The following STAT4 variants were observed in gnomAD, a reference collection of about 807,000 sequenced individuals.
STAT4 encodes the protein signal transducer and activator of transcription 4.
In STAT4, 42 loss-of-function variants were observed where a neutral mutation model predicts 110.5. The ratio of observed to expected loss-of-function variants is 0.38; its 90% CI spans 0.30 to 0.49. The LOEUF (loss-of-function observed/expected upper bound fraction) is 0.49. Ranked by LOEUF, STAT4 falls within the 20% of genes least tolerant of loss-of-function variation. The pLI, the probability that STAT4 is intolerant of heterozygous loss-of-function variation, is 0.95. For synonymous variants in STAT4, 284 were observed against 302.2 expected (o/e 0.94, Z 0.63); for missense variants, 632 against 887.9 (o/e 0.71, Z 3.66).
At chr2:191,084,387 C>G (rs1195757794) in intron 3 of STAT4, among the ~76,000 whole-genome samples, 1 of 152,010 alleles carries the variant, frequency 6.6e-6, no homozygotes, top group Non-Finnish European at 1.5e-5. Context: ...GATCTGGGCT[C>G]TGCACCTGGT....
intron 3 of STAT4, among the ~76,000 whole-genome samples, chr2:191,134,864 A>T (rs1699134143): frequency 6.6e-6 from 1 of 152,218 alleles, no homozygotes; most frequent in Non-Finnish European, 1.5e-5. Flanking sequence ...GAAATAAAAA[A>T]ATTCCTTGAA....
Position 191,062,893 on chromosome 2 carries a change from G to A in STAT4, c.810C>T (p.Phe270=), listed in dbSNP as rs1285476035. ...NCFTLLAESL[F]QLRRQLEKLE... is the part of the protein sequence containing the mutation. ...GTTTCTCCAATTGCCTTCTCAGTTGGAAAAGACTTTCTGCCAATAGTGTAA... is the reference window on the plus strand; with the variant it reads ...GTTTCTCCAATTGCCTTCTCAGTTGAAAAAGACTTTCTGCCAATAGTGTAA... Residue 270 remains phenylalanine (F), a synonymous_variant, in exon 9 of 24, where the codon TTC becomes TTT. Coordinates refer to ENST00000392320, the MANE Select transcript of STAT4 (RefSeq NM_003151.4). The surrounding 1 kb of genome is among the most constrained non-coding windows in gnomAD (Gnocchi z 4.9). 1 of 1,613,646 alleles carries A rather than the reference G, an allele frequency of 6.2e-7. No homozygotes were observed. Among genetic ancestry groups the A allele is most frequent in the Admixed American group, 1.7e-5 (1 of 59,982 alleles).
At chr2:191,048,079 A>C (rs1046784926) in intron 14 of STAT4, among the ~76,000 whole-genome samples, 7 of 152,260 alleles carry the variant, frequency 4.6e-5, no homozygotes, top group African/African-American at 1.2e-4. Flanking sequence ...GGGTCTTAAA[A>C]GTGTGAGAAA....
chr2:191,078,311 G>A (rs1242270967), intron 3 of STAT4, among the ~76,000 whole-genome samples: 1 of 152,052 alleles, frequency 6.6e-6, no homozygotes, highest in Non-Finnish European at 1.5e-5. Flanking sequence ...TCTCAGTTGT[G>A]TTGTACACTT....
intron 5 of STAT4, among the ~76,000 whole-genome samples, chr2:191,072,698 G>GA (rs1697201156): frequency 6.6e-6 from 1 of 151,798 alleles, no homozygotes; most frequent in Admixed American, 6.6e-5. Flanking sequence ...ACTGATTATG[G>GA]AAAAAAGAGA....
At chr2:191,094,263 G>T (rs1697894649) in intron 3 of STAT4, among the ~76,000 whole-genome samples, 1 of 152,118 alleles carries the variant, frequency 6.6e-6, no homozygotes, top group Admixed American at 6.5e-5. Flanking sequence ...TCCTTGAGAA[G>T]ACCAAATCCA....
chr2:191,143,878 A>G lies in STAT4; in HGVS notation c.273+2735T>C, dbSNP rs1415061830. On this transcript the variant is annotated intron_variant, in intron 3 of 23. Coordinates refer to ENST00000392320, the MANE Select transcript of STAT4 (RefSeq NM_003151.4). The surrounding 1 kb of genome is among the most constrained non-coding windows in gnomAD (Gnocchi z 5.6). ...CCACCCTTCCCCGCAAAAAACACAC[A>G]CAACTTAATGGGATTATAGTAGGTT... Among the ~76,000 whole-genome samples the G allele has an allele frequency of 6.6e-6, 1 of 152,150 alleles. No individual in the cohort carries two copies. The highest frequency in any genetic ancestry group is 3.2e-3 in the Middle Eastern group (1 of 316).
chr2:191,123,186 G>C (rs906135240), intron 3 of STAT4, among the ~76,000 whole-genome samples: 2 of 152,170 alleles, frequency 1.3e-5, no homozygotes, highest in Non-Finnish European at 2.9e-5. Context: ...CTTTGTCATT[G>C]TACTGTGTTT....
chr2:191,074,209 G>T (rs960188487), intron 4 of STAT4, among the ~76,000 whole-genome samples: 1 of 152,160 alleles, frequency 6.6e-6, no homozygotes, highest in African/African-American at 2.4e-5. Context: ...TAGATAAAAA[G>T]TTCTATAACT....
At position 191,069,453 on chromosome 2, in the gene STAT4, T is replaced by A. The variant is rs181842007; in HGVS notation, c.544+240A>T. ...CATGCAGTTTGAAATTTATGTTGAA[T>A]TTGTTGGTAATTTACTTGGAATTGG... is the stretch of plus-strand genomic sequence containing the variant. On this transcript the variant is annotated intron_variant, in intron 6 of 23. Coordinates refer to ENST00000392320, the MANE Select transcript of STAT4 (RefSeq NM_003151.4). Among the ~76,000 whole-genome samples the A allele has an allele frequency of 6.8e-4, 104 of 152,202 alleles. 3 individuals carry two copies. The East Asian group carries it at 0.017, about 25-fold the overall frequency.
rs1271837484 is a variant in STAT4 at position 191,144,603 on chromosome 2, G to A, written c.273+2010C>T. On this transcript the variant is annotated intron_variant, in intron 3 of 23. Coordinates refer to ENST00000392320, the MANE Select transcript of STAT4 (RefSeq NM_003151.4). The surrounding 1 kb of genome is among the most constrained non-coding windows in gnomAD (Gnocchi z 4.7). ...TGAAGCGTGACTGGGGGTAACTGCA[G>A]GTTTTTGAGCAGTGGCGTAGTGAAA... 6.6e-6 allele frequency among the ~76,000 whole-genome samples: 1 copy of A among 150,676 alleles called. No individual in the cohort carries two copies. Among genetic ancestry groups the A allele is most frequent in the Non-Finnish European group, 1.5e-5 (1 of 67,870 alleles).
Position 191,030,516 on chromosome 2 carries a change from C to T in STAT4, c.2220+456G>A, listed in dbSNP as rs1695859945. On this transcript the variant is annotated intron_variant, in intron 23 of 23. Coordinates refer to ENST00000392320, the MANE Select transcript of STAT4 (RefSeq NM_003151.4). This position sits in a 1 kb window ranked among gnomAD's most constrained non-coding sequence, Gnocchi z 4.4. ...GGGTTCTAGAAATGCAAGTCACAAT[C>T]AAGAAAAATTGCAATTTGTGATGTT... is the stretch of plus-strand genomic sequence containing the variant. Among the ~76,000 whole-genome samples the T allele has an allele frequency of 2.0e-5, 3 of 152,060 alleles. No individual in the cohort carries two copies. The highest frequency in any genetic ancestry group is 4.8e-5 in the African/African-American group (2 of 41,384).
At chr2:191,131,857 C>G in intron 3 of STAT4, 2 of 1,459,864 alleles carry the variant, frequency 1.4e-6, no homozygotes, top group Non-Finnish European at 1.8e-6. Flanking sequence ...GCAGGTTTCT[C>G]CATGTCGATC....
intron 3 of STAT4, among the ~76,000 whole-genome samples, chr2:191,127,023 T>C (rs1189170516): frequency 6.6e-6 from 1 of 151,966 alleles, no homozygotes; most frequent in African/African-American, 2.4e-5. Flanking sequence ...GGTCTCCTTA[T>C]GTTGACCAGG....
At chr2:191,126,929 C>T (rs1698896378) in intron 3 of STAT4, among the ~76,000 whole-genome samples, 1 of 152,144 alleles carries the variant, frequency 6.6e-6, no homozygotes, top group African/African-American at 2.4e-5. Flanking sequence ...AAGTCAGCCT[C>T]CCACCTCACC....
intron 3 of STAT4, among the ~76,000 whole-genome samples, chr2:191,136,024 C>CAAA (rs1699173501): frequency 0.027 from 1,171 of 43,368 alleles, 50 homozygotes; most frequent in African/African-American, 0.071. Context: ...AAAAAAAAAC[C>CAAA]AAAAAACAAA....
At chr2:191,041,261 C>A (rs1368139718) in intron 14 of STAT4, 113 bp from the exon 15 acceptor site, 6 of 411,828 alleles carry the variant, frequency 1.5e-5, no homozygotes, top group Non-Finnish European at 2.3e-5. Context: ...AAGTAAATAC[C>A]CCCAAACAGT....
rs117808344 is a variant in STAT4 at position 191,117,679 on chromosome 2, C to A, written c.273+28934G>T. On this transcript the variant is annotated intron_variant, in intron 3 of 23. Coordinates refer to ENST00000392320, the MANE Select transcript of STAT4 (RefSeq NM_003151.4). This position sits in a 1 kb window ranked among gnomAD's most constrained non-coding sequence, Gnocchi z 5.2. ...ATTGCATCCTGGGCAGAGGGCATTG[C>A]AAGCAATGAGTAGAGTCCATTCTAA... Among the ~76,000 whole-genome samples, 1 of 152,242 alleles carries A rather than the reference C, an allele frequency of 6.6e-6. No homozygotes were observed. The highest frequency in any genetic ancestry group is 1.9e-4 in the East Asian group (1 of 5,166).
chr2:191,041,087 T>C lies in STAT4; in HGVS notation c.1313A>G (p.Tyr438Cys), dbSNP rs1356001770. 2 of 1,493,502 alleles carry C rather than the reference T, an allele frequency of 1.3e-6. No homozygotes were observed. The highest frequency in any genetic ancestry group is 1.8e-6 in the Non-Finnish European group (2 of 1,116,992). 92.5% of individuals were successfully genotyped at this position (1,493,502 alleles called of 1,614,324 possible). A position where few individuals can be genotyped will look rare whatever the true frequency, so the allele number is the denominator to read the frequency against. ...TACCTCCAAATCTATGGTCAGGCCATAGAGGCAGATCTGTGTTTCAAACGT... is the reference window on the plus strand; with the variant it reads ...TACCTCCAAATCTATGGTCAGGCCACAGAGGCAGATCTGTGTTTCAAACGT... ...SITFETQICL[Y>C]GLTIDLETSS... The change falls in exon 15 of 24, where the codon TAT becomes TGT. Residue 438 changes from tyrosine to cysteine, a missense_variant. Transcript: ENST00000392320.
Sources: gnomAD v4.1 joint callset for allele counts (sites outside exome capture counted in the v4.1 genomes callset) on GRCh38, gnomAD v4.1.1 for gene constraint, Gnocchi (gnomAD v3.1) non-coding constraint, MANE v1.5 for transcripts, NCBI Gene and HGNC (gene_info 2026-07-23, HGNC 2026-07-21) for gene names.